The following NACC2 variants were observed in gnomAD, a reference collection of about 807,000 sequenced individuals.
The protein encoded by NACC2 is NACC family member 2.
NACC2 carries 8 observed loss-of-function variants against 25.1 expected under a neutral mutation model. The observed-to-expected ratio is 0.32, with a 90% CI of 0.19 to 0.57. NACC2 has a LOEUF of 0.57. Ranked by LOEUF, NACC2 falls within the 20% of genes least tolerant of loss-of-function variation. The pLI is 0.89. For missense variants in NACC2, 644 were observed against 650.2 expected, an observed-to-expected ratio of 0.99 and a Z score of 0.10; for synonymous variants, 435 against 294.7, an observed-to-expected ratio of 1.48 and a Z score of -4.88.
At chr9:136,047,569 T>G (rs994271782) in intron 2 of NACC2, among the ~76,000 whole-genome samples, 5 of 152,172 alleles carry the variant, frequency 3.3e-5, no homozygotes, top group African/African-American at 9.7e-5. Flanking sequence ...ACCTGCGGCC[T>G]GGACAAAGCC....
intron 2 of NACC2, among the ~76,000 whole-genome samples, chr9:136,021,369 A>G (rs1840290012): frequency 6.6e-6 from 1 of 152,216 alleles, no homozygotes; most frequent in African/African-American, 2.4e-5. Context: ...ACCGACGCCA[A>G]GTGCCGGCGA....
rs4842072 is a variant in NACC2 at position 136,010,746 on chromosome 9, G to A, written c.*770C>T. The A allele has an allele frequency of 0.093, 14,128 of 152,390 alleles. 789 individuals are homozygous for A. Among genetic ancestry groups the A allele is most frequent in the South Asian group, 0.17 (797 of 4,824 alleles). 9.4% of individuals were successfully genotyped at this position (152,390 alleles called of 1,614,324 possible). A position where few individuals can be genotyped will look rare whatever the true frequency, so the allele number is the denominator to read the frequency against. On this transcript the variant is annotated 3_prime_UTR_variant, in exon 6 of 6. Transcript: ENST00000277554. The surrounding 1 kb of genome is among the most constrained non-coding windows in gnomAD (Gnocchi z 4.9). The stretch of plus-strand genomic sequence containing the variant: ...ATCAGCTGTGCACGTCCCACAGTGG[G>A]CCCGGGCGGGACAGTGGGAGGCCAG...
At chr9:136,081,173 C>T (rs1030321292) in intron 1 of NACC2, among the ~76,000 whole-genome samples, 5 of 152,152 alleles carry the variant, frequency 3.3e-5, no homozygotes, top group East Asian at 1.9e-4. Context: ...AGTGGCCACT[C>T]GGGGACTCTC....
intron 5 of NACC2, among the ~76,000 whole-genome samples, chr9:136,012,980 T>C (rs1359015261): frequency 6.6e-6 from 1 of 152,248 alleles, no homozygotes; most frequent in Non-Finnish European, 1.5e-5. Flanking sequence ...GCTGAATTCA[T>C]CACACTTGGA....
At chr9:136,067,125 A>G (rs1017974601) in intron 1 of NACC2, among the ~76,000 whole-genome samples, 1 of 152,006 alleles carries the variant, frequency 6.6e-6, no homozygotes, top group African/African-American at 2.4e-5. Flanking sequence ...GTGGTGGTTC[A>G]TGCCTGTAAT....
In NACC2 at chr9:136,069,756, A is replaced by G. The variant is rs570838297; in HGVS notation, c.-59-19176T>C. Reference sequence around the variant, plus strand: ...TAGGACGTGACATAATAATTAAAGCATCAATCCACTAAGACACAGCAATCC... The same window carrying G: ...TAGGACGTGACATAATAATTAAAGCGTCAATCCACTAAGACACAGCAATCC... On this transcript the variant is annotated intron_variant, in intron 1 of 5. Transcript: ENST00000277554. 3.9e-4 allele frequency among the ~76,000 whole-genome samples: 59 copies of G among 152,018 alleles called. 1 individual carries two copies. Among genetic ancestry groups the G allele is most frequent in the Admixed American group, 3.4e-3 (52 of 15,290 alleles).
Position 136,022,626 on chromosome 9 carries a change from G to A in NACC2, c.887-6197C>T, listed in dbSNP as rs57714320. ...TGTTCTGGGTCCAGTGCTTCTGGCA[G>A]TGAGGGGGGCTCACCCTGCTGGTCA... On this transcript the variant is annotated intron_variant, in intron 2 of 5. Coordinates refer to ENST00000277554, the MANE Select transcript of NACC2 (RefSeq NM_144653.5). This position sits in a 1 kb window ranked among gnomAD's most constrained non-coding sequence, Gnocchi z 4.4. Among the ~76,000 whole-genome samples, 6,878 of 152,230 alleles carry A rather than the reference G, an allele frequency of 0.045. 335 individuals carry two copies. The highest frequency in any genetic ancestry group is 0.12 in the African/African-American group (4,918 of 41,518).
At chr9:136,085,378 G>A (rs1234830474) in intron 1 of NACC2, among the ~76,000 whole-genome samples, 1 of 151,498 alleles carries the variant, frequency 6.6e-6, no homozygotes, top group Non-Finnish European at 1.5e-5. Flanking sequence ...AATCAGCCAT[G>A]TGTGGGGATC....
intron 1 of NACC2, among the ~76,000 whole-genome samples, chr9:136,063,738 C>T (rs1487556165): frequency 1.3e-5 from 2 of 151,988 alleles, no homozygotes; most frequent in Admixed American, 6.6e-5. Flanking sequence ...GAAAAATTAG[C>T]CAGGTGTGGT....
In NACC2 at chr9:136,085,284, G is replaced by C. The variant is rs574516399; in HGVS notation, c.-60+9905C>G. Among the ~76,000 whole-genome samples the C allele has an allele frequency of 1.2e-3, 182 of 150,822 alleles. 1 individual carries two copies. Among genetic ancestry groups the C allele is most frequent in the Middle Eastern group, 3.4e-3 (1 of 292 alleles). On this transcript the variant is annotated intron_variant, in intron 1 of 5. Transcript: ENST00000277554. ...TGTGCCTCAGCCTCCTGTGTAGCTG[G>C]GATTACAGGTGTGAACCACTGTGCC... is the stretch of plus-strand genomic sequence containing the variant.
chr9:136,069,914 T>C (rs1841130269), intron 1 of NACC2, among the ~76,000 whole-genome samples: 1 of 151,744 alleles, frequency 6.6e-6, no homozygotes, highest in African/African-American at 2.4e-5. Context: ...AGATAGAAAA[T>C]CAGCAGAGAT....
In NACC2 at chr9:136,045,103, A is replaced by C. The variant is rs1008059656; in HGVS notation, c.886+4533T>G. ...GAGGCTGGATGGGAGGGTCTCCTGGACCCTGAGCAGTTCCAACTTTGCCTG... is the reference window on the plus strand; with the variant it reads ...GAGGCTGGATGGGAGGGTCTCCTGGCCCCTGAGCAGTTCCAACTTTGCCTG... On this transcript the variant is annotated intron_variant, in intron 2 of 5. Coordinates refer to ENST00000277554, the MANE Select transcript of NACC2 (RefSeq NM_144653.5). Among the ~76,000 whole-genome samples, 9 of 152,266 alleles carry C rather than the reference A, an allele frequency of 5.9e-5. No individual in the cohort carries two copies. The East Asian group carries it at 1.5e-3, about 26-fold the overall frequency.
intron 1 of NACC2, among the ~76,000 whole-genome samples, chr9:136,059,336 C>T (rs1840975543): frequency 6.6e-6 from 1 of 152,288 alleles, no homozygotes; most frequent in East Asian, 1.9e-4. Context: ...ATGCACCAGC[C>T]CATCCGGAGC....
At chr9:136,068,499 C>CAAA (rs58780352) in intron 1 of NACC2, among the ~76,000 whole-genome samples, 15 of 100,042 alleles carry the variant, frequency 1.5e-4, no homozygotes, top group East Asian at 8.6e-4. Context: ...AACTCCGTCT[C>CAAA]AAAAAAAAAA....
intron 1 of NACC2, among the ~76,000 whole-genome samples, chr9:136,070,002 C>A (rs1401812334): frequency 6.6e-6 from 1 of 151,880 alleles, no homozygotes; most frequent in Non-Finnish European, 1.5e-5. Context: ...AACATATGTT[C>A]TTTTCACGTG....
chr9:136,015,966 G>C (rs909495170), intron 3 of NACC2, among the ~76,000 whole-genome samples: 6 of 152,168 alleles, frequency 3.9e-5, no homozygotes, highest in Admixed American at 2.6e-4. Flanking sequence ...CGCGGGGCGG[G>C]GGGACTGGCA....
intron 1 of NACC2, among the ~76,000 whole-genome samples, chr9:136,081,234 T>G (rs12006463): frequency 0.1 from 15,745 of 152,154 alleles, 945 homozygotes; most frequent in African/African-American, 0.16. Flanking sequence ...GTGGACTCAG[T>G]CCCGACGGGC....
intron 1 of NACC2, among the ~76,000 whole-genome samples, chr9:136,092,990 G>T (rs1051545176): frequency 6.6e-6 from 1 of 152,222 alleles, no homozygotes; most frequent in Non-Finnish European, 1.5e-5. Context: ...GCTGAGGAAG[G>T]AACATGGGCT....
At chr9:136,081,717 C>T (rs1318339661) in intron 1 of NACC2, among the ~76,000 whole-genome samples, 4 of 152,216 alleles carry the variant, frequency 2.6e-5, no homozygotes, top group Non-Finnish European at 5.9e-5. Context: ...ACAGCCCCTC[C>T]TGGCTCGGGC....
Sources: allele counts gnomAD v4.1 joint callset (sites outside exome capture counted in the v4.1 genomes callset), GRCh38; gene constraint gnomAD v4.1.1; non-coding constraint Gnocchi (gnomAD v3.1); transcripts MANE v1.5; gene names NCBI Gene and HGNC (gene_info 2026-07-23, HGNC 2026-07-21).